ARHGAP10: variants seen among roughly 807,000 people sequenced by gnomAD.
ARHGAP10 encodes the protein Rho GTPase activating protein 10.
A neutral mutation model predicts 108.6 loss-of-function variants in ARHGAP10; 87 were observed. The ratio of observed to expected loss-of-function variants is 0.80; its 90% CI spans 0.67 to 0.96. ARHGAP10 has a LOEUF of 0.96. ARHGAP10 is among the 40% of genes least tolerant of loss of function. ARHGAP10 has a pLI of 0.00. For synonymous variants in ARHGAP10, 347 were observed against 341.1 expected, an observed-to-expected ratio of 1.02 and a Z score of -0.19; for missense variants, 939 against 954.5, an observed-to-expected ratio of 0.98 and a Z score of 0.21.
intron 20 of ARHGAP10, among the ~76,000 whole-genome samples, chr4:148,051,495 A>G (rs1025417829): frequency 1.1e-4 from 16 of 152,164 alleles, no homozygotes; most frequent in Non-Finnish European, 1.9e-4. Context: ...TGCTTCCTCT[A>G]CAGATTTCAA....
At chr4:148,051,008 C>T (rs1205959724) in intron 20 of ARHGAP10, among the ~76,000 whole-genome samples, 1 of 152,174 alleles carries the variant, frequency 6.6e-6, no homozygotes, top group Non-Finnish European at 1.5e-5. Context: ...TCACATAGGA[C>T]CCCAGTAGAT....
intron 18 of ARHGAP10, among the ~76,000 whole-genome samples, chr4:148,006,255 G>A (rs1370121629): frequency 1.3e-5 from 2 of 152,222 alleles, no homozygotes; most frequent in Non-Finnish European, 2.9e-5. Flanking sequence ...TACCCGGCCT[G>A]CCCTAGCTGT....
intron 13 of ARHGAP10, among the ~76,000 whole-genome samples, chr4:147,924,676 T>A (rs34159946): frequency 6.6e-6 from 1 of 152,216 alleles, no homozygotes; most frequent in African/African-American, 2.4e-5. Flanking sequence ...ACTGTTAGCA[T>A]AGTGGTGAAG....
chr4:147,742,141 T>G (rs1205021110), intron 1 of ARHGAP10, among the ~76,000 whole-genome samples: 1 of 151,862 alleles, frequency 6.6e-6, no homozygotes, highest in Non-Finnish European at 1.5e-5. Context: ...GAATACAGGA[T>G]GTGGAATGGT....
intron 18 of ARHGAP10, among the ~76,000 whole-genome samples, chr4:148,021,379 G>A (rs1447180785): frequency 6.6e-6 from 1 of 152,152 alleles, no homozygotes; most frequent in Non-Finnish European, 1.5e-5. Context: ...CTGTTTGGAA[G>A]GTTTTCATCT....
intron 18 of ARHGAP10, among the ~76,000 whole-genome samples, chr4:148,019,014 A>G (rs534228704): frequency 3.9e-5 from 6 of 152,376 alleles, no homozygotes; most frequent in African/African-American, 1.2e-4. Flanking sequence ...TCAATGAATT[A>G]GGAAGTAATT....
At chr4:147,975,187 G>A (rs1211652945) in intron 18 of ARHGAP10, among the ~76,000 whole-genome samples, 1 of 152,212 alleles carries the variant, frequency 6.6e-6, no homozygotes, top group African/African-American at 2.4e-5. Flanking sequence ...AATAGGGATT[G>A]TGGTAGAATG....
intron 1 of ARHGAP10, among the ~76,000 whole-genome samples, chr4:147,805,085 T>A (rs564059506): frequency 1.3e-5 from 2 of 152,342 alleles, no homozygotes; most frequent in East Asian, 3.9e-4. Context: ...TAGGTTTTCT[T>A]CAAGAGTTTT....
At chr4:147,978,969 G>C (rs991940501) in intron 18 of ARHGAP10, among the ~76,000 whole-genome samples, 2 of 152,094 alleles carry the variant, frequency 1.3e-5, no homozygotes, top group Non-Finnish European at 2.9e-5. Context: ...TTCTTTGTCA[G>C]ATGCATAGTT....
At chr4:147,799,103 C>T (rs1191995790) in intron 1 of ARHGAP10, among the ~76,000 whole-genome samples, 2 of 151,482 alleles carry the variant, frequency 1.3e-5, no homozygotes, top group Non-Finnish European at 2.9e-5. Context: ...GGTGTGATGT[C>T]GGCTCACTGC....
intron 20 of ARHGAP10, among the ~76,000 whole-genome samples, chr4:148,055,581 C>T (rs1729326925): frequency 6.6e-6 from 1 of 152,086 alleles, no homozygotes; most frequent in African/African-American, 2.4e-5. Context: ...CCCAGCTACT[C>T]GGGAGGCGAA....
chr4:147,827,557 A>C (rs1340648223), intron 3 of ARHGAP10, among the ~76,000 whole-genome samples: 2 of 152,064 alleles, frequency 1.3e-5, no homozygotes, highest in Non-Finnish European at 2.9e-5. Context: ...TGTATAGTTT[A>C]GTAAGCCCAT....
chr4:148,004,330 G>C (rs1740856306), intron 18 of ARHGAP10, among the ~76,000 whole-genome samples: 1 of 152,172 alleles, frequency 6.6e-6, no homozygotes, highest in South Asian at 2.1e-4. Context: ...GAAACAAATA[G>C]TCTTCAACAG....
At chr4:147,958,282 A>C (rs554969648) in intron 16 of ARHGAP10, among the ~76,000 whole-genome samples, 1 of 152,352 alleles carries the variant, frequency 6.6e-6, no homozygotes, top group Admixed American at 6.5e-5. Context: ...GCTTAGTACG[A>C]GAATGACAAC....
At chr4:147,936,410 G>A (rs1737940312) in intron 13 of ARHGAP10, among the ~76,000 whole-genome samples, 1 of 131,798 alleles carries the variant, frequency 7.6e-6, no homozygotes, top group Admixed American at 9.3e-5. Context: ...CTCACTGCAA[G>A]CTCCGCTTCC....
chr4:147,941,139 T>G (rs1738151029), intron 14 of ARHGAP10, among the ~76,000 whole-genome samples: 1 of 152,194 alleles, frequency 6.6e-6, no homozygotes, highest in Non-Finnish European at 1.5e-5. Context: ...TCCAAGATGG[T>G]GTTATGATGA....
chr4:147,994,355 G>A (rs927673653), intron 18 of ARHGAP10, among the ~76,000 whole-genome samples: 1 of 152,188 alleles, frequency 6.6e-6, no homozygotes. Context: ...GTGCCTGGCT[G>A]TGTGCACAAG....
At chr4:148,066,365 G>A (rs1187395061) in intron 22 of ARHGAP10, among the ~76,000 whole-genome samples, 4 of 152,152 alleles carry the variant, frequency 2.6e-5, no homozygotes, top group South Asian at 2.1e-4. Flanking sequence ...AGAATCACAC[G>A]GGGTATAGGA....
intron 3 of ARHGAP10, among the ~76,000 whole-genome samples, chr4:147,838,482 AACACAC>A (rs796796308): frequency 1.3e-5 from 2 of 149,188 alleles, no homozygotes; most frequent in African/African-American, 4.9e-5. Context: ...TTAAAAAAAA[AACACAC>A]ACACACACAC....
Sources: allele counts gnomAD v4.1 joint callset (sites outside exome capture counted in the v4.1 genomes callset), GRCh38; gene constraint gnomAD v4.1.1; transcripts MANE v1.5; gene names NCBI Gene and HGNC (gene_info 2026-07-23, HGNC 2026-07-21).